PLXDC2: variants seen among roughly 807,000 people sequenced by gnomAD.
PLXDC2 encodes the protein plexin domain-containing protein 2.
Under a neutral mutation model 68.9 loss-of-function variants are expected in PLXDC2, and 40 were observed. The ratio of observed to expected loss-of-function variants is 0.58; its 90% CI spans 0.45 to 0.76. The LOEUF (loss-of-function observed/expected upper bound fraction) is 0.76. PLXDC2 is among the 30% of genes least tolerant of loss of function. PLXDC2 has a pLI of 0.00. For synonymous variants in PLXDC2, 243 were observed against 234.2 expected (o/e 1.04, Z -0.34); for missense variants, 644 against 661.9 (o/e 0.97, Z 0.30).
intron 12 of PLXDC2, among the ~76,000 whole-genome samples, chr10:20,238,692 T>TATATAC (rs778584936): frequency 8.5e-5 from 10 of 118,314 alleles, no homozygotes; most frequent in South Asian, 2.6e-4. Context: ...TATATATATA[T>TATATAC]ACACACATAT....
intron 12 of PLXDC2, among the ~76,000 whole-genome samples, chr10:20,223,972 ATTTT>A (rs10561584): frequency 0.19 from 25,137 of 133,454 alleles, 3,421 homozygotes; most frequent in African/African-American, 0.42. Context: ...CCTAGAATGT[ATTTT>A]TTTTTTTTTT....
intron 1 of PLXDC2, among the ~76,000 whole-genome samples, chr10:19,901,433 T>C (rs1371790253): frequency 3.9e-5 from 6 of 152,194 alleles, no homozygotes; most frequent in Admixed American, 3.3e-4. Flanking sequence ...ATTGGTGATG[T>C]TGAGCATTTT....
intron 1 of PLXDC2, among the ~76,000 whole-genome samples, chr10:19,844,570 G>GTTTATT (rs1267210542): frequency 5.3e-5 from 8 of 151,182 alleles, no homozygotes; most frequent in Middle Eastern, 3.4e-3. Flanking sequence ...TCTTTCCTCC[G>GTTTATT]TTTATTTTTA....
chr10:20,230,398 A>G (rs1564361003), intron 12 of PLXDC2, among the ~76,000 whole-genome samples: 1 of 152,132 alleles, frequency 6.6e-6, no homozygotes, highest in Admixed American at 6.6e-5. Flanking sequence ...TGCCAGGCAT[A>G]GTGTCTCATG....
chr10:20,242,773 G>A (rs1232719597), intron 12 of PLXDC2, among the ~76,000 whole-genome samples: 3 of 152,058 alleles, frequency 2.0e-5, no homozygotes, highest in African/African-American at 7.2e-5. Context: ...TGCAGTGGCA[G>A]GATCTCGGCT....
chr10:19,826,842 GT>G (rs527882313), intron 1 of PLXDC2, among the ~76,000 whole-genome samples: 202 of 152,238 alleles, frequency 1.3e-3, no homozygotes, highest in African/African-American at 4.4e-3. Flanking sequence ...TTGTGGTCGC[GT>G]TTGTTAATAT....
chr10:20,050,474 T>C (rs780638801), intron 3 of PLXDC2, among the ~76,000 whole-genome samples: 2 of 151,952 alleles, frequency 1.3e-5, no homozygotes, highest in African/African-American at 2.4e-5. Context: ...CTGACAAAGG[T>C]CTAATATCCA....
intron 1 of PLXDC2, among the ~76,000 whole-genome samples, chr10:19,960,016 T>C (rs1834129993): frequency 6.6e-6 from 1 of 152,098 alleles, no homozygotes; most frequent in Non-Finnish European, 1.5e-5. Flanking sequence ...ATGTAATGAC[T>C]TCATAAATAC....
intron 1 of PLXDC2, among the ~76,000 whole-genome samples, chr10:19,845,461 C>T (rs563129282): frequency 1.2e-4 from 18 of 152,128 alleles, no homozygotes; most frequent in Admixed American, 9.8e-4. Context: ...AAGGCCCTAG[C>T]GGGAAACCCT....
chr10:19,862,082 T>C (rs1046007365), intron 1 of PLXDC2, among the ~76,000 whole-genome samples: 6 of 152,224 alleles, frequency 3.9e-5, no homozygotes, highest in African/African-American at 1.4e-4. Context: ...TAACATCTAC[T>C]TTTTTGGTAG....
intron 13 of PLXDC2, among the ~76,000 whole-genome samples, chr10:20,276,498 T>C (rs1588557405): frequency 6.6e-6 from 1 of 152,180 alleles, no homozygotes; most frequent in Non-Finnish European, 1.5e-5. Context: ...CTTCTGAATA[T>C]GATTAATCAC....
chr10:19,837,409 AGTGTGT>A (rs3043789), intron 1 of PLXDC2, among the ~76,000 whole-genome samples: 271 of 82,572 alleles, frequency 3.3e-3, no homozygotes, highest in Middle Eastern at 6.7e-3. Context: ...AGAGAGAGAG[AGTGTGT>A]GTGTGTGTGT....
chr10:20,044,122 T>TCCTCCCTCCCTCCCTC (rs754844827), intron 2 of PLXDC2, among the ~76,000 whole-genome samples: 1 of 99,738 alleles, frequency 1.0e-5, no homozygotes, highest in African/African-American at 4.1e-5. Context: ...CTTCCTTCCT[T>TCCTCCCTCCCTCCCTC]CCTCCCTCCC....
intron 1 of PLXDC2, among the ~76,000 whole-genome samples, chr10:19,839,033 A>T (rs1194565166): frequency 6.6e-6 from 1 of 152,092 alleles, no homozygotes; most frequent in African/African-American, 2.4e-5. Flanking sequence ...TAAAAATACA[A>T]AAATCTTCCA....
chr10:19,878,229 T>C (rs1001326482), intron 1 of PLXDC2, among the ~76,000 whole-genome samples: 2 of 151,522 alleles, frequency 1.3e-5, no homozygotes, highest in Non-Finnish European at 2.9e-5. Context: ...AGAGATAGAG[T>C]CTCACTCTGT....
intron 3 of PLXDC2, among the ~76,000 whole-genome samples, chr10:20,049,100 A>T (rs968111207): frequency 6.6e-6 from 1 of 152,106 alleles, no homozygotes; most frequent in Non-Finnish European, 1.5e-5. Context: ...TATTGAAGCC[A>T]TTAACAAACA....
chr10:20,185,457 C>G (rs1475207052), intron 9 of PLXDC2, among the ~76,000 whole-genome samples: 1 of 151,924 alleles, frequency 6.6e-6, no homozygotes, highest in Non-Finnish European at 1.5e-5. Flanking sequence ...ATAAAGCATT[C>G]TCTTGGACTA....
chr10:20,263,955 T>G (rs1835840355), intron 13 of PLXDC2, among the ~76,000 whole-genome samples: 1 of 152,100 alleles, frequency 6.6e-6, no homozygotes, highest in Non-Finnish European at 1.5e-5. Flanking sequence ...ATCCCATTAC[T>G]TGGTATATAT....
In PLXDC2 at chr10:20,279,967, C is replaced by G; in HGVS notation, c.*148C>G. On this transcript the variant is annotated 3_prime_UTR_variant, in exon 14 of 14. Coordinates refer to ENST00000377252, the MANE Select transcript of PLXDC2 (RefSeq NM_032812.9). ...AGAAGACAAGATTTCTGGACAAGCTCAGCCCAGGAAACAAAGGGTAAACAA... is the reference window on the plus strand; with the variant it reads ...AGAAGACAAGATTTCTGGACAAGCTGAGCCCAGGAAACAAAGGGTAAACAA... The G allele has an allele frequency of 1.5e-6, 1 of 646,660 alleles. No homozygotes were observed. 40.1% of individuals were successfully genotyped at this position (646,660 alleles called of 1,614,324 possible). A position where few individuals can be genotyped will look rare whatever the true frequency, so the allele number is the denominator to read the frequency against.
Sources: allele counts gnomAD v4.1 joint callset (sites outside exome capture counted in the v4.1 genomes callset), GRCh38; gene constraint gnomAD v4.1.1; transcripts MANE v1.5; gene names NCBI Gene and HGNC (gene_info 2026-07-23, HGNC 2026-07-21).